The following B9D1 variants were observed in gnomAD, a reference collection of about 807,000 sequenced individuals.
B9D1 encodes the protein B9 domain containing 1.
B9D1 carries 20 observed loss-of-function variants against 26.1 expected under a neutral mutation model. The ratio of observed to expected loss-of-function variants is 0.77; its 90% CI spans 0.54 to 1.12. The LOEUF (loss-of-function observed/expected upper bound fraction) is 1.12. B9D1 is among the 50% of genes most tolerant of loss of function. The pLI is 0.00. For missense variants in B9D1, 260 were observed against 273.7 expected, an observed-to-expected ratio of 0.95 and a Z score of 0.35; for synonymous variants, 105 against 103.1, an observed-to-expected ratio of 1.02 and a Z score of -0.11.
chr17:19,340,048 C>A (rs75037276), downstream of B9D1, among the ~76,000 whole-genome samples: 1 of 104,420 alleles, frequency 9.6e-6, no homozygotes, highest in Non-Finnish European at 2.3e-5. Flanking sequence ...CCCCCCCCCC[C>A]GGCTTCCCGG....
chr17:19,373,173 T>C (rs1248211383), intron 1 of B9D1, among the ~76,000 whole-genome samples: 2 of 152,184 alleles, frequency 1.3e-5, no homozygotes, highest in East Asian at 3.9e-4. Context: ...CCGTGATGGA[T>C]GTCCCTGAAA....
chr17:19,342,973 G>T, downstream of B9D1: 1 of 702,142 alleles, frequency 1.4e-6, no homozygotes, highest in Non-Finnish European at 2.0e-6. Context: ...AGGCCACACA[G>T]CTTTGAGTGG....
At chr17:19,361,200 A>G (rs1175069667) in intron 1 of B9D1, among the ~76,000 whole-genome samples, 3 of 152,108 alleles carry the variant, frequency 2.0e-5, no homozygotes, top group Non-Finnish European at 2.9e-5. Context: ...CTGATTCTAC[A>G]TTATGGTGAG....
downstream of B9D1, among the ~76,000 whole-genome samples, chr17:19,342,873 G>A (rs966130204): frequency 6.6e-6 from 1 of 152,222 alleles, no homozygotes; most frequent in Non-Finnish European, 1.5e-5. Flanking sequence ...CCAGAAGCAT[G>A]GCTGAACGGG....
intron 3 of B9D1, among the ~76,000 whole-genome samples, chr17:19,349,732 A>G (rs1909337473): frequency 6.6e-6 from 1 of 152,018 alleles, no homozygotes; most frequent in African/African-American, 2.4e-5. Context: ...TTATCCTGTG[A>G]CTTATCTTTT....
At chr17:19,360,256 A>G in intron 2 of B9D1, 64 bp downstream of exon 2, 1 of 1,460,364 alleles carries the variant, frequency 6.8e-7, no homozygotes, top group Non-Finnish European at 9.6e-7. Context: ...GGGGAAGGAT[A>G]TGACACCTTC....
intron 1 of B9D1, among the ~76,000 whole-genome samples, chr17:19,361,247 A>C (rs949243729): frequency 1.3e-5 from 2 of 152,192 alleles, no homozygotes; most frequent in African/African-American, 4.8e-5. Context: ...CAAGGTAATA[A>C]TAGAAATAAA....
chr17:19,339,293 A>G (rs1489258618), downstream of B9D1, among the ~76,000 whole-genome samples: 1 of 152,038 alleles, frequency 6.6e-6, no homozygotes, highest in African/African-American at 2.4e-5. Context: ...TAGCATTCCA[A>G]AATGCAGTCA....
chr17:19,343,382 G>GTCA lies in B9D1; in HGVS notation c.549_551dup (p.Asp184dup), dbSNP rs1567881143. On this transcript the variant is annotated inframe_insertion, in exon 7 of 7. Transcript: ENST00000261499. ...CACCCTGTGTATCAGAAGGCCCAGT[G>GTCA]TCATAGCCCAGTTTCCTCATGTCCT... 6.2e-7 allele frequency: 1 copy of GTCA among 1,614,166 alleles called. No homozygotes were observed. Among genetic ancestry groups the GTCA allele is most frequent in the Non-Finnish European group, 8.5e-7 (1 of 1,180,014 alleles).
chr17:19,335,174 TAAA>T (rs140366250), downstream of B9D1: 3 of 345,796 alleles, frequency 8.7e-6, no homozygotes, highest in Non-Finnish European at 1.6e-5. Context: ...GATGTTTATT[TAAA>T]AAAAAAACAA....
chr17:19,377,751 C>T, intron 1 of B9D1: 1 of 852,352 alleles, frequency 1.2e-6, no homozygotes, highest in Non-Finnish European at 1.4e-6. Context: ...GCTCCGCCCA[C>T]CCGCGGGCTC....
At chr17:19,358,101 T>C in intron 2 of B9D1, 150 bp from the exon 3 acceptor site, 1 of 695,420 alleles carries the variant, frequency 1.4e-6, no homozygotes, top group Non-Finnish European at 2.6e-6. Context: ...GACTAAGAGA[T>C]GATGGAGTAC....
intron 3 of B9D1, among the ~76,000 whole-genome samples, chr17:19,352,694 T>C (rs1567894450): frequency 6.6e-6 from 1 of 152,104 alleles, no homozygotes; most frequent in African/African-American, 2.4e-5. Flanking sequence ...GCTAATTTTG[T>C]ATTTTTAGTA....
intron 1 of B9D1, among the ~76,000 whole-genome samples, chr17:19,361,098 T>C (rs566472966): frequency 2.6e-5 from 4 of 151,948 alleles, no homozygotes; most frequent in East Asian, 3.9e-4. Context: ...GCATGTTCCT[T>C]ATGAGAATCT....
At chr17:19,375,614 G>T (rs1308295582) in intron 1 of B9D1, among the ~76,000 whole-genome samples, 1 of 152,110 alleles carries the variant, frequency 6.6e-6, no homozygotes, top group East Asian at 1.9e-4. Flanking sequence ...TGGTGGTGGG[G>T]ACCTGTAATC....
In B9D1 at chr17:19,343,176, C is replaced by T; in HGVS notation, c.*143G>A. The T allele has an allele frequency of 4.1e-6, 6 of 1,469,950 alleles. No individual in the cohort carries two copies. The highest frequency in any genetic ancestry group is 5.4e-6 in the Non-Finnish European group (6 of 1,116,564). The allele number at this position is 1,469,950 out of a possible 1,614,324, so 91.1% of individuals were successfully genotyped here. On this transcript the variant is annotated 3_prime_UTR_variant, in exon 7 of 7. Transcript: ENST00000261499. ...GAGAAGGCAGCCCCAGGCCTAGGCT[C>T]TCTGAAAATGAGACTTTATTATACA...
intron 3 of B9D1, among the ~76,000 whole-genome samples, chr17:19,356,398 G>C (rs1348916206): frequency 6.6e-6 from 1 of 152,146 alleles, no homozygotes; most frequent in Non-Finnish European, 1.5e-5. Context: ...AGCCCAAAGA[G>C]GTTTCTAATT....
Position 19,343,817 on chromosome 17 carries a change from C to G in B9D1, c.445G>C (p.Val149Leu). The G allele has an allele frequency of 1.2e-6, 2 of 1,614,120 alleles. No individual in the cohort carries two copies. The highest frequency in any genetic ancestry group is 4.5e-5 in the East Asian group (2 of 44,876). Residue 149 changes from valine to leucine, a missense_variant, in exon 6 of 7, where the codon GTG becomes CTG. By Grantham distance (32) the Val-to-Leu change is conservative. Transcript: ENST00000261499. ...GRRPEYTDPKVVAQGEGREVT... is the reference protein window; with the variant it reads ...GRRPEYTDPKLVAQGEGREVT... The stretch of plus-strand genomic sequence containing the variant: ...TCCCGGCCTTCACCCTGAGCCACCA[C>G]CTTGGGGTCTGTGTACTCGGGCCGC...
intron 3 of B9D1, among the ~76,000 whole-genome samples, chr17:19,355,395 G>T (rs1171235247): frequency 6.6e-6 from 1 of 152,026 alleles, no homozygotes; most frequent in African/African-American, 2.4e-5. Context: ...CGGACATGGT[G>T]GTGCATGCCT....
Sources: allele counts gnomAD v4.1 joint callset (sites outside exome capture counted in the v4.1 genomes callset), GRCh38; gene constraint gnomAD v4.1.1; transcripts MANE v1.5; gene names NCBI Gene and HGNC (gene_info 2026-07-23, HGNC 2026-07-21).